The following CDH12 variants were observed in gnomAD, a reference collection of about 807,000 sequenced individuals.
CDH12 encodes cadherin 12, also known as cadherin-12.
In CDH12, 41 loss-of-function variants were observed where a neutral mutation model predicts 74.1. That is an observed-to-expected ratio of 0.55 (90% CI 0.43 to 0.72). CDH12 has a LOEUF of 0.72. Ranked by LOEUF, CDH12 falls within the 30% of genes least tolerant of loss-of-function variation. CDH12 has a pLI of 0.00. For missense variants in CDH12, 945 were observed against 977.2 expected (o/e 0.97, Z 0.44); for synonymous variants, 399 against 355.0 (o/e 1.12, Z -1.39).
intron 4 of CDH12, among the ~76,000 whole-genome samples, chr5:22,191,274 C>T (rs1256011290): frequency 2.6e-5 from 4 of 152,058 alleles, no homozygotes; most frequent in African/African-American, 4.8e-5. Flanking sequence ...AAGCCAAGCC[C>T]TTCCTTTACA....
At chr5:22,802,332 G>A (rs1748576780) in intron 1 of CDH12, among the ~76,000 whole-genome samples, 1 of 151,906 alleles carries the variant, frequency 6.6e-6, no homozygotes, top group Non-Finnish European at 1.5e-5. Context: ...ATGTTAGCCA[G>A]GATGGTCTCC....
chr5:22,042,460 C>A (rs1295517856), intron 5 of CDH12, among the ~76,000 whole-genome samples: 1 of 151,924 alleles, frequency 6.6e-6, no homozygotes, highest in African/African-American at 2.4e-5. Flanking sequence ...AAAAAGGAGA[C>A]CACAAAAGTG....
At chr5:22,546,793 TG>T (rs1316119880) in intron 1 of CDH12, among the ~76,000 whole-genome samples, 2 of 152,116 alleles carry the variant, frequency 1.3e-5, no homozygotes, top group Non-Finnish European at 2.9e-5. Context: ...TTTTGCATGG[TG>T]TATCAAAGTA....
At chr5:21,875,660 T>C (rs571443175) in intron 6 of CDH12, among the ~76,000 whole-genome samples, 8 of 152,318 alleles carry the variant, frequency 5.3e-5, no homozygotes, top group African/African-American at 7.2e-5. Context: ...CACAGTGCAT[T>C]GTACTTCCGG....
At chr5:22,051,041 G>A (rs750562256) in intron 5 of CDH12, among the ~76,000 whole-genome samples, 11 of 152,090 alleles carry the variant, frequency 7.2e-5, no homozygotes, top group Non-Finnish European at 1.2e-4. Context: ...GAATCTGAAA[G>A]TCTGCTTTTT....
At chr5:22,641,209 T>A (rs1167606326) in intron 1 of CDH12, among the ~76,000 whole-genome samples, 1 of 152,110 alleles carries the variant, frequency 6.6e-6, no homozygotes, top group Non-Finnish European at 1.5e-5. Context: ...CTTAGTCCAA[T>A]TCCAAAGGTC....
chr5:22,501,223 T>C (rs564918158), intron 2 of CDH12, among the ~76,000 whole-genome samples: 49 of 152,308 alleles, frequency 3.2e-4, no homozygotes, highest in African/African-American at 1.1e-3. Flanking sequence ...AAATGACCTT[T>C]GTGTCTCTTG....
intron 4 of CDH12, among the ~76,000 whole-genome samples, chr5:22,199,739 T>A (rs1750817304): frequency 6.6e-6 from 1 of 152,210 alleles, no homozygotes; most frequent in African/African-American, 2.4e-5. Context: ...TATGTCTCTA[T>A]TATTTTTCTA....
At chr5:22,030,006 C>G (rs1466448148) in intron 5 of CDH12, among the ~76,000 whole-genome samples, 1 of 150,688 alleles carries the variant, frequency 6.6e-6, no homozygotes. Context: ...AGTAAACTAT[C>G]GCAAGGACAA....
intron 6 of CDH12, among the ~76,000 whole-genome samples, chr5:21,964,234 G>A (rs2431913): frequency 1.1e-4 from 17 of 152,032 alleles, no homozygotes; most frequent in African/African-American, 1.7e-4. Flanking sequence ...AATGGCTGGC[G>A]CTTATTTAAA....
Position 21,760,586 on chromosome 5 carries a change from T to G in CDH12, c.1605A>C (p.Lys535Asn). The change falls in exon 13 of 15, where the codon AAA (lysine) becomes AAC (asparagine). Residue 535 changes from lysine (K) to asparagine (N), a missense_variant. Physicochemically the swap from Lys to Asn is moderately conservative, Grantham distance 94. Coordinates refer to ENST00000382254, the MANE Select transcript of CDH12 (RefSeq NM_004061.5). ...TGAAGTCACGAACTGTAAAATTTGGTTTGATAGCAGCCTCAGGTGATAATC... is the reference window on the plus strand; with the variant it reads ...TGAAGTCACGAACTGTAAAATTTGGGTTGATAGCAGCCTCAGGTGATAATC... ...SFRLSPEAAI[K>N]PNFTVRDFRN... 6.2e-7 allele frequency: 1 copy of G among 1,607,784 alleles called. No individual in the cohort carries two copies. The highest frequency in any genetic ancestry group is 8.5e-7 in the Non-Finnish European group (1 of 1,174,928).
intron 2 of CDH12, among the ~76,000 whole-genome samples, chr5:22,432,556 T>C (rs1182723432): frequency 1.4e-5 from 2 of 146,790 alleles, no homozygotes; most frequent in South Asian, 2.2e-4. Flanking sequence ...TGTCTGTGTG[T>C]GTGTGCGTGT....
chr5:21,977,880 C>T (rs2150124829), intron 5 of CDH12, among the ~76,000 whole-genome samples: 1 of 152,210 alleles, frequency 6.6e-6, no homozygotes, highest in East Asian at 1.9e-4. Flanking sequence ...CAGTTTATTA[C>T]ATGATAATAC....
At chr5:22,563,045 G>C (rs1373943087) in intron 1 of CDH12, among the ~76,000 whole-genome samples, 2 of 146,078 alleles carry the variant, frequency 1.4e-5, no homozygotes, top group African/African-American at 5.0e-5. Context: ...TTTATATATT[G>C]ATATATTTAA....
chr5:22,529,654 T>C (rs114442092), intron 1 of CDH12, among the ~76,000 whole-genome samples: 1,777 of 152,236 alleles, frequency 0.012, 19 homozygotes, highest in Non-Finnish European at 0.018. Context: ...ACATTCAGAA[T>C]AATGTTTAAC....
At chr5:22,558,097 G>C (rs562670497) in intron 1 of CDH12, among the ~76,000 whole-genome samples, 1 of 152,154 alleles carries the variant, frequency 6.6e-6, no homozygotes, top group African/African-American at 2.4e-5. Flanking sequence ...GCTCAGGAAA[G>C]AGAAAAAGAT....
At chr5:21,977,459 G>T (rs1182240651) in intron 5 of CDH12, among the ~76,000 whole-genome samples, 1 of 151,978 alleles carries the variant, frequency 6.6e-6, no homozygotes. Flanking sequence ...AATGCAAAAG[G>T]CATGACTTTA....
intron 1 of CDH12, among the ~76,000 whole-genome samples, chr5:22,627,897 T>C (rs1218566707): frequency 2.6e-5 from 4 of 151,800 alleles, no homozygotes; most frequent in Admixed American, 2.6e-4. Context: ...AGGAAAATCT[T>C]CCAAGAAAAT....
intron 6 of CDH12, among the ~76,000 whole-genome samples, chr5:21,972,286 C>T (rs533851046): frequency 2.0e-5 from 3 of 152,056 alleles, no homozygotes; most frequent in Non-Finnish European, 4.4e-5. Flanking sequence ...GAAGCACTCT[C>T]AATTATTGGG....
Sources: gnomAD v4.1 joint callset for allele counts (sites outside exome capture counted in the v4.1 genomes callset) on GRCh38, gnomAD v4.1.1 for gene constraint, MANE v1.5 for transcripts, NCBI Gene and HGNC (gene_info 2026-07-23, HGNC 2026-07-21) for gene names.